NSMCE2: variants seen among roughly 807,000 people sequenced by gnomAD.
NSMCE2 encodes E3 SUMO-protein ligase NSE2.
Under a neutral mutation model 23.8 loss-of-function variants are expected in NSMCE2, and 24 were observed. That is an observed-to-expected ratio of 1.01 (90% CI 0.73 to 1.42). The LOEUF is 1.42. Among genes scored for constraint, NSMCE2 ranks in the 40% most tolerant of loss-of-function variants. The pLI is 0.00. For missense variants in NSMCE2, 284 were observed against 296.5 expected (o/e 0.96, Z 0.31); for synonymous variants, 92 against 94.1 (o/e 0.98, Z 0.13).
chr8:125,349,010 AACACACACACACACACACACACAC>A (rs35429077), intron 5 of NSMCE2: 17 of 129,446 alleles, frequency 1.3e-4, no homozygotes, highest in East Asian at 7.3e-4. Flanking sequence ...CTCAAAGCAA[AACACACACACACACACACACACAC>A]ACACACACAC....
intron 3 of NSMCE2, among the ~76,000 whole-genome samples, chr8:125,147,580 A>G (rs1180477474): frequency 3.9e-5 from 6 of 152,178 alleles, no homozygotes; most frequent in Non-Finnish European, 7.4e-5. Context: ...GTAGGGCCTG[A>G]GCTCAGCCCT....
Position 125,191,118 on chromosome 8 carries a change from C to T in NSMCE2, c.418+8862C>T, listed in dbSNP as rs564922111. Among the ~76,000 whole-genome samples the T allele has an allele frequency of 5.3e-5, 8 of 152,190 alleles. No homozygotes were observed. In the South Asian group the frequency reaches 6.2e-4, roughly 12 times the overall value. On this transcript the variant is annotated intron_variant, in intron 5 of 7. Coordinates refer to ENST00000287437, the MANE Select transcript of NSMCE2 (RefSeq NM_173685.4). Reference sequence around the variant, plus strand: ...AACTCCTGACCTCAGGTGATCCACCCGCCTCGGCCTCCCAAAGCACTGGGA... The same window carrying T: ...AACTCCTGACCTCAGGTGATCCACCTGCCTCGGCCTCCCAAAGCACTGGGA...
At chr8:125,132,497 TG>T (rs1819825618) in intron 3 of NSMCE2, among the ~76,000 whole-genome samples, 1 of 141,690 alleles carries the variant, frequency 7.1e-6, no homozygotes, top group South Asian at 2.4e-4. Context: ...AAAAAAATTT[TG>T]GTTTTTTTTT....
intron 5 of NSMCE2, among the ~76,000 whole-genome samples, chr8:125,270,155 C>T (rs1827118672): frequency 6.6e-6 from 1 of 152,070 alleles, no homozygotes; most frequent in African/African-American, 2.4e-5. Flanking sequence ...TTATGAACAT[C>T]CTTATATGAC....
intron 5 of NSMCE2, among the ~76,000 whole-genome samples, chr8:125,183,471 A>C (rs1343803718): frequency 6.6e-6 from 1 of 152,050 alleles, no homozygotes; most frequent in Non-Finnish European, 1.5e-5. Flanking sequence ...CTTCCCTCAA[A>C]TGATTAATAA....
chr8:125,357,321 T>C lies in NSMCE2; in HGVS notation c.519+2T>C. The C allele has an allele frequency of 6.4e-7, 1 of 1,567,116 alleles. No individual in the cohort carries two copies. The highest frequency in any genetic ancestry group is 1.1e-5 in the South Asian group (1 of 90,194). ...AACTTCACCTGCCCCATTACAAAGG[T>C]ACCGCTTCCTCCTACTTCCCCTGAA... On this transcript the variant is annotated splice_donor_variant, in intron 6 of 7. Coordinates refer to ENST00000287437, the MANE Select transcript of NSMCE2 (RefSeq NM_173685.4). LOFTEE classifies it high-confidence loss of function.
Position 125,104,148 on chromosome 8 carries a change from G to A in NSMCE2, c.157+1661G>A, listed in dbSNP as rs1287009621. On this transcript the variant is annotated intron_variant, in intron 3 of 7. Transcript: ENST00000287437. ...TGGGGTTACAGGCATGCGCCACCAC[G>A]CCCAGCTAATTTTGTAATTTTAGTA... 7.9e-5 allele frequency among the ~76,000 whole-genome samples: 12 copies of A among 152,084 alleles called. No individual in the cohort carries two copies. The East Asian group carries it at 1.9e-3, about 24-fold the overall frequency.
At chr8:125,118,510 C>A (rs951196048) in intron 3 of NSMCE2, among the ~76,000 whole-genome samples, 1 of 152,132 alleles carries the variant, frequency 6.6e-6, no homozygotes, top group African/African-American at 2.4e-5. Flanking sequence ...ACTTTGAGAA[C>A]CCTTCTCTAG....
At chr8:125,341,161 C>G (rs1197863317) in intron 5 of NSMCE2, among the ~76,000 whole-genome samples, 16 of 152,096 alleles carry the variant, frequency 1.1e-4, no homozygotes, top group Admixed American at 8.5e-4. Flanking sequence ...TGCAATCCAG[C>G]CTTGTCCTTC....
chr8:125,183,034 G>C (rs1201189786), intron 5 of NSMCE2, among the ~76,000 whole-genome samples: 1 of 151,994 alleles, frequency 6.6e-6, no homozygotes, highest in Non-Finnish European at 1.5e-5. Flanking sequence ...TTTTAGGATT[G>C]AGACGCTTGT....
At chr8:125,218,483 C>T (rs1186002057) in intron 5 of NSMCE2, among the ~76,000 whole-genome samples, 3 of 150,048 alleles carry the variant, frequency 2.0e-5, no homozygotes, top group African/African-American at 7.4e-5. Context: ...ACGATCTTGG[C>T]TCACTGCAAC....
At chr8:125,199,670 G>C (rs984056434) in intron 5 of NSMCE2, among the ~76,000 whole-genome samples, 4 of 152,168 alleles carry the variant, frequency 2.6e-5, no homozygotes, top group African/African-American at 9.7e-5. Context: ...GGGGTGGAGA[G>C]TTTTGTAGAT....
intron 5 of NSMCE2, among the ~76,000 whole-genome samples, chr8:125,340,123 T>C (rs1481661136): frequency 6.7e-6 from 1 of 148,930 alleles, no homozygotes; most frequent in African/African-American, 2.5e-5. Flanking sequence ...CACGCCATTC[T>C]CCTGCCTCAG....
intron 1 of NSMCE2, among the ~76,000 whole-genome samples, chr8:125,099,640 G>A (rs72720532): frequency 0.12 from 17,671 of 152,084 alleles, 1,200 homozygotes; most frequent in African/African-American, 0.18. Context: ...AGGAGATAGG[G>A]CTGAGCATTG....
chr8:125,337,777 C>T (rs891638877), intron 5 of NSMCE2, among the ~76,000 whole-genome samples: 1 of 151,594 alleles, frequency 6.6e-6, no homozygotes, highest in African/African-American at 2.4e-5. Flanking sequence ...TGGCTGTAAT[C>T]CCAACTACTC....
At chr8:125,208,438 A>G (rs1182330143) in intron 5 of NSMCE2, among the ~76,000 whole-genome samples, 1 of 152,252 alleles carries the variant, frequency 6.6e-6, no homozygotes, top group African/African-American at 2.4e-5. Context: ...TTATATGCTT[A>G]TAGCATGGGT....
At chr8:125,300,415 A>G (rs564325054) in intron 5 of NSMCE2, among the ~76,000 whole-genome samples, 358 of 152,022 alleles carry the variant, frequency 2.4e-3, no homozygotes, top group African/African-American at 7.7e-3. Flanking sequence ...CTCTTGCTTC[A>G]GCCTCCCAAA....
chr8:125,231,316 G>A (rs1825312959), intron 5 of NSMCE2, among the ~76,000 whole-genome samples: 1 of 152,204 alleles, frequency 6.6e-6, no homozygotes, highest in Admixed American at 6.5e-5. Flanking sequence ...ACAATGACTT[G>A]TCTTCATAGC....
chr8:125,131,088 A>G (rs1279012237), intron 3 of NSMCE2, among the ~76,000 whole-genome samples: 1 of 152,104 alleles, frequency 6.6e-6, no homozygotes, highest in African/African-American at 2.4e-5. Flanking sequence ...TTTGTCATGC[A>G]TTTGCAATAC....
Sources: gnomAD v4.1 joint callset for allele counts (sites outside exome capture counted in the v4.1 genomes callset) on GRCh38, gnomAD v4.1.1 for gene constraint, MANE v1.5 for transcripts, NCBI Gene and HGNC (gene_info 2026-07-23, HGNC 2026-07-21) for gene names.